PPARGC1A: variants seen among roughly 807,000 people sequenced by gnomAD.
The protein encoded by PPARGC1A is peroxisome proliferator-activated receptor gamma coactivator 1-alpha.
A neutral mutation model predicts 88.7 loss-of-function variants in PPARGC1A; 25 were observed. The observed-to-expected ratio is 0.28, with a 90% CI of 0.21 to 0.39. PPARGC1A has a LOEUF of 0.39. Ranked by LOEUF, PPARGC1A falls within the 10% of genes least tolerant of loss-of-function variation. The pLI, the probability that PPARGC1A is intolerant of heterozygous loss-of-function variation, is 1.00. For synonymous variants in PPARGC1A, 363 were observed against 355.6 expected (o/e 1.02, Z -0.24); for missense variants, 880 against 968.7 (o/e 0.91, Z 1.22).
chr4:24,301,540 A>G, the PPARGC1A span, among the ~76,000 whole-genome samples: 1 of 151,784 alleles, frequency 6.6e-6, no homozygotes. Flanking sequence ...GTCAGCTGTT[A>G]AGGCCATCAG....
chr4:24,293,825 C>G, the PPARGC1A span, among the ~76,000 whole-genome samples: 4 of 152,034 alleles, frequency 2.6e-5, no homozygotes, highest in South Asian at 8.3e-4. Context: ...GGCACAAACA[C>G]CTTCTATTTT....
At chr4:24,401,980 C>G in the PPARGC1A span, among the ~76,000 whole-genome samples, 1 of 152,126 alleles carries the variant, frequency 6.6e-6, no homozygotes, top group Non-Finnish European at 1.5e-5. Flanking sequence ...GGCTTCAGAC[C>G]CTTGACATAA....
At chr4:24,205,313 T>C in the PPARGC1A span, among the ~76,000 whole-genome samples, 4 of 152,148 alleles carry the variant, frequency 2.6e-5, no homozygotes, top group Non-Finnish European at 5.9e-5. Flanking sequence ...TGTAGTCCCT[T>C]AGAACATAAT....
the PPARGC1A span, among the ~76,000 whole-genome samples, chr4:24,250,057 C>G: frequency 1.3e-5 from 2 of 152,158 alleles, no homozygotes; most frequent in African/African-American, 4.8e-5. Flanking sequence ...GTATGATGCT[C>G]GTCCTCAGGA....
the PPARGC1A span, among the ~76,000 whole-genome samples, chr4:24,140,177 T>G: frequency 2.5e-3 from 385 of 152,242 alleles, 1 homozygote; most frequent in African/African-American, 8.9e-3. Flanking sequence ...GGTAAGAGAA[T>G]GCATTTGGCC....
At chr4:24,388,825 G>T in the PPARGC1A span, among the ~76,000 whole-genome samples, 2 of 152,030 alleles carry the variant, frequency 1.3e-5, no homozygotes, top group African/African-American at 2.4e-5. Flanking sequence ...GTTGGAGGGT[G>T]GGGGGCTAGG....
chr4:24,058,233 A>T, the PPARGC1A span, among the ~76,000 whole-genome samples: 3 of 152,206 alleles, frequency 2.0e-5, no homozygotes. Flanking sequence ...GGAGGTGAGT[A>T]TCTCATGGTC....
chr4:24,246,799 G>T, the PPARGC1A span, among the ~76,000 whole-genome samples: 4 of 152,084 alleles, frequency 2.6e-5, no homozygotes, highest in African/African-American at 9.7e-5. Flanking sequence ...TCCTTCTCCT[G>T]CTCCATGGGG....
chr4:24,281,005 T>C, the PPARGC1A span, among the ~76,000 whole-genome samples: 1 of 152,214 alleles, frequency 6.6e-6, no homozygotes, highest in Non-Finnish European at 1.5e-5. Flanking sequence ...AAATATGCTT[T>C]ATGAGTGGGC....
the PPARGC1A span, among the ~76,000 whole-genome samples, chr4:24,206,887 G>A: frequency 5.1e-5 from 7 of 137,602 alleles, no homozygotes; most frequent in Admixed American, 5.3e-4. Context: ...CTAACATTGG[G>A]TTGCAATGTT....
At chr4:24,380,295 G>C in the PPARGC1A span, among the ~76,000 whole-genome samples, 1 of 152,144 alleles carries the variant, frequency 6.6e-6, no homozygotes, top group African/African-American at 2.4e-5. Context: ...CTAATAAAGA[G>C]AGCAGTCTAG....
At chr4:23,804,429 G>A (rs1376165473) in intron 10 of PPARGC1A, among the ~76,000 whole-genome samples, 1 of 151,936 alleles carries the variant, frequency 6.6e-6, no homozygotes, top group African/African-American at 2.4e-5. Context: ...TTCTCTTTCT[G>A]GACTAGTATA....
the PPARGC1A span, among the ~76,000 whole-genome samples, chr4:24,013,129 G>C: frequency 3.9e-4 from 59 of 152,118 alleles, no homozygotes; most frequent in Admixed American, 7.9e-4. Flanking sequence ...AGATGCTGTG[G>C]ATGTGGCAGA....
In PPARGC1A at chr4:23,795,291, T is replaced by TTATATATATA. The variant is rs138055487; in HGVS notation, c.*521_*530dup. ...TTGTTAGTTTTCTTTCCTTTTTAATTTATATATATATATATATATATATAT... is the reference window on the plus strand; with the variant it reads ...TTGTTAGTTTTCTTTCCTTTTTAATTTATATATATATATATATATATATATATATATATAT... On this transcript the variant is annotated 3_prime_UTR_variant, in exon 13 of 13. Coordinates refer to ENST00000264867, the MANE Select transcript of PPARGC1A (RefSeq NM_013261.5). The TTATATATATA allele has an allele frequency of 2.3e-4, 6 of 26,626 alleles. No homozygotes were observed. The highest frequency in any genetic ancestry group is 8.7e-4 in the East Asian group (1 of 1,146). 1.6% of individuals were successfully genotyped at this position (26,626 alleles called of 1,614,324 possible). A position where few individuals can be genotyped will look rare whatever the true frequency, so the allele number is the denominator to read the frequency against.
At chr4:23,896,368 G>T (rs1560532677) in intron 1 of PPARGC1A, among the ~76,000 whole-genome samples, 1 of 152,130 alleles carries the variant, frequency 6.6e-6, no homozygotes, top group Non-Finnish European at 1.5e-5. Flanking sequence ...AACATACTGG[G>T]AATGTAGCAG....
the PPARGC1A span, among the ~76,000 whole-genome samples, chr4:24,269,161 T>C: frequency 1.5e-3 from 223 of 152,356 alleles, 1 homozygote; most frequent in African/African-American, 4.7e-3. Context: ...GATTTTGGGT[T>C]TTGCATTTTT....
At chr4:24,005,144 A>C in the PPARGC1A span, among the ~76,000 whole-genome samples, 1 of 152,326 alleles carries the variant, frequency 6.6e-6, no homozygotes, top group South Asian at 2.1e-4. Flanking sequence ...TTTTAAAAGC[A>C]GCAATAAAGG....
chr4:24,091,793 A>C, the PPARGC1A span, among the ~76,000 whole-genome samples: 1,046 of 152,164 alleles, frequency 6.9e-3, 12 homozygotes, highest in African/African-American at 0.024. Flanking sequence ...AGGAACAACC[A>C]AGCTCCAGGG....
chr4:24,187,088 C>A, the PPARGC1A span, among the ~76,000 whole-genome samples: 1 of 152,194 alleles, frequency 6.6e-6, no homozygotes, highest in Non-Finnish European at 1.5e-5. Flanking sequence ...GCCATGAGTA[C>A]TAGTCCCCTT....
Sources: gnomAD v4.1 joint callset for allele counts (sites outside exome capture counted in the v4.1 genomes callset) on GRCh38, gnomAD v4.1.1 for gene constraint, MANE v1.5 for transcripts, NCBI Gene and HGNC (gene_info 2026-07-23, HGNC 2026-07-21) for gene names.